The following CDH5 variants were observed in gnomAD, a reference collection of about 807,000 sequenced individuals.
CDH5 encodes the protein cadherin 5.
Under a neutral mutation model 62.0 loss-of-function variants are expected in CDH5, and 28 were observed. The observed-to-expected ratio is 0.45, with a 90% CI of 0.33 to 0.62. The LOEUF (loss-of-function observed/expected upper bound fraction) is 0.62. Among genes scored for constraint, CDH5 ranks in the 20% least tolerant of loss-of-function variants. The probability of loss-of-function intolerance (pLI) is 0.02; values close to 1 mark genes in which losing one functional copy is unlikely to be tolerated. For missense variants in CDH5, 940 were observed against 1,065.1 expected (o/e 0.88, Z 1.63); for synonymous variants, 464 against 445.8 (o/e 1.04, Z -0.52).
Position 66,379,299 on chromosome 16 carries a change from T to A in CDH5, c.-19-20T>A. ...TCATCGTCACTGGCCAGAGTCTGAA[T>A]GTGTCTCCTCTTTCCCCAGATCTGT... On this transcript the variant is annotated intron_variant, in intron 1 of 11. Coordinates refer to ENST00000341529, the MANE Select transcript of CDH5 (RefSeq NM_001795.5). The A allele has an allele frequency of 6.4e-7, 1 of 1,551,124 alleles. No homozygotes were observed. The highest frequency in any genetic ancestry group is 1.2e-5 in the South Asian group (1 of 86,450).
chr16:66,373,407 ATTTT>A (rs34814895), intron 1 of CDH5, among the ~76,000 whole-genome samples: 2 of 133,744 alleles, frequency 1.5e-5, no homozygotes, highest in African/African-American at 2.9e-5. Context: ...TGGTTAGCCA[ATTTT>A]TTTTTTTTTT....
At chr16:66,397,903 G>A (rs913150857) in intron 8 of CDH5, 79 bp from the exon 9 acceptor site, 2 of 1,580,542 alleles carry the variant, frequency 1.3e-6, no homozygotes, top group Non-Finnish European at 1.7e-6. Flanking sequence ...CCATAGGGCA[G>A]CCCTCCTTCC....
At chr16:66,371,184 G>A (rs1960680393) in intron 1 of CDH5, among the ~76,000 whole-genome samples, 1 of 152,192 alleles carries the variant, frequency 6.6e-6, no homozygotes, top group Non-Finnish European at 1.5e-5. Flanking sequence ...TTAAATGCCT[G>A]AGCTCAAGTA....
At chr16:66,369,987 T>G (rs547813621) in intron 1 of CDH5, among the ~76,000 whole-genome samples, 2 of 150,510 alleles carry the variant, frequency 1.3e-5, no homozygotes, top group South Asian at 4.2e-4. Context: ...CTTTTTTGTT[T>G]GTTTGTTTGT....
chr16:66,395,912 T>C, intron 7 of CDH5, 147 bp from the exon 8 acceptor site: 1 of 727,746 alleles, frequency 1.4e-6, no homozygotes, highest in Non-Finnish European at 2.3e-6. Context: ...TCCACTCTTG[T>C]CTGAGTGGCA....
In CDH5 at chr16:66,389,452, G is replaced by T; in HGVS notation, c.711G>T (p.Gly237=). ...VEARDAQGLR[G]DSGTATVLVT... is the part of the protein sequence containing the mutation. ...CGCGAGATGCCCAGGGCCTCCGGGG[G>T]GACTCGGGCACGGCCACCGTGCTGG... The change falls in exon 5 of 12, where the codon GGG becomes GGT. Residue 237 remains glycine (G), a synonymous_variant. Coordinates refer to ENST00000341529, the MANE Select transcript of CDH5 (RefSeq NM_001795.5). The T allele has an allele frequency of 6.2e-7, 1 of 1,613,166 alleles. No individual in the cohort carries two copies. Among genetic ancestry groups the T allele is most frequent in the Non-Finnish European group, 8.5e-7 (1 of 1,179,518 alleles).
Position 66,404,469 on chromosome 16 carries a change from G to A in CDH5, c.*1300G>A, listed in dbSNP as rs1196395014. On this transcript the variant is annotated 3_prime_UTR_variant, in exon 12 of 12. Transcript: ENST00000341529. ...GGGCAAAGCCCCTCACACTGCAAGG[G>A]ATTGTAGATAACACTGACTTGTTTG... 6.6e-6 allele frequency: 1 copy of A among 152,246 alleles called. No homozygotes were observed. Among genetic ancestry groups the A allele is most frequent in the Non-Finnish European group, 1.5e-5 (1 of 68,052 alleles). The allele number at this position is 152,246 out of a possible 1,614,324, so 9.4% of individuals were successfully genotyped here.
In CDH5 at chr16:66,402,920, C is replaced by T. The variant is rs752695792; in HGVS notation, c.2106C>T (p.Pro702=). The change falls in exon 12 of 12, where the codon CCC becomes CCT. Residue 702 remains proline (P), a synonymous_variant. Coordinates refer to ENST00000341529, the MANE Select transcript of CDH5 (RefSeq NM_001795.5). ...ACGCGCCTGGGGCACACGGAGGGCC[C>T]GGGGAGATGGCAGCCATGATCGAGG... The part of the protein sequence containing the change: ...PRHAPGAHGG[P]GEMAAMIEVK... 6.2e-7 allele frequency: 1 copy of T among 1,611,632 alleles called. No individual in the cohort carries two copies. The highest frequency in any genetic ancestry group is 8.5e-7 in the Non-Finnish European group (1 of 1,179,770).
At chr16:66,383,975 G>A (rs1960939163) in intron 2 of CDH5, among the ~76,000 whole-genome samples, 1 of 151,922 alleles carries the variant, frequency 6.6e-6, no homozygotes, top group Admixed American at 6.6e-5. Context: ...GCTAAACCCT[G>A]GGGACACTTT....
In CDH5 at chr16:66,389,376, C is replaced by G. The variant is rs200122262; in HGVS notation, c.635C>G (p.Thr212Arg). ...IDNSGRIITI[T>R]KSLDREKQAR... ...TTTGCAGGACGTATTATCACAATAA[C>G]GAAAAGCTTGGACCGAGAGAAGCAG... Residue 212 changes from threonine (T) to arginine (R), a missense_variant, in exon 5 of 12, where the codon ACG (threonine) becomes AGG (arginine). Transcript: ENST00000341529. 3 of 1,611,494 alleles carry G rather than the reference C, an allele frequency of 1.9e-6. No individual in the cohort carries two copies.
At position 66,376,881 on chromosome 16, in the gene CDH5, G is replaced by A. The variant is rs141262870; in HGVS notation, c.-19-2438G>A. 6.6e-5 allele frequency among the ~76,000 whole-genome samples: 10 copies of A among 152,164 alleles called. No homozygotes were observed. In the South Asian group the frequency reaches 1.5e-3, roughly 22 times the overall value. On this transcript the variant is annotated intron_variant, in intron 1 of 11. Transcript: ENST00000341529. ...CAAGGGAGTGTGTCTTACTTACTGC[G>A]GCACCCCCATTGCCTAGCATGGAGC...
intron 1 of CDH5, among the ~76,000 whole-genome samples, chr16:66,378,849 G>A (rs531172559): frequency 6.6e-6 from 1 of 152,370 alleles, no homozygotes; most frequent in Non-Finnish European, 1.5e-5. Flanking sequence ...TCAGCAGACA[G>A]TGAAGGATGA....
intron 7 of CDH5, among the ~76,000 whole-genome samples, chr16:66,395,113 C>CCTGGCCT (rs1961156861): frequency 7.9e-6 from 1 of 125,954 alleles, no homozygotes; most frequent in Non-Finnish European, 1.6e-5. Context: ...GTCTTGAACT[C>CCTGGCCT]CTGGCCTCAA....
intron 1 of CDH5, among the ~76,000 whole-genome samples, chr16:66,374,512 C>A (rs751205769): frequency 6.6e-6 from 1 of 152,190 alleles, no homozygotes; most frequent in African/African-American, 2.4e-5. Flanking sequence ...AGCAGCAGGG[C>A]CCCTGCTGGA....
rs1421592214 is a variant in CDH5, at chr16:66,379,480, A to G, written c.143A>G (p.Asp48Gly). 1 of 1,614,178 alleles carries G rather than the reference A, an allele frequency of 6.2e-7. No individual in the cohort carries two copies. The highest frequency in any genetic ancestry group is 1.1e-5 in the South Asian group (1 of 91,078). The change falls in exon 2 of 12, where the codon GAT (aspartate) becomes GGT (glycine). Residue 48 changes from aspartate to glycine, a missense_variant. Asp to Gly is a moderately conservative substitution (Grantham distance 94, BLOSUM62 -1). Coordinates refer to ENST00000341529, the MANE Select transcript of CDH5 (RefSeq NM_001795.5). ...LLPTHRRQKR[D>G]WIWNQMHIDE... ...CCCACCCACCGGCGCCAAAAGAGAG[A>G]TTGGATTTGGAACCAGATGCACATT... is the stretch of plus-strand genomic sequence containing the variant.
chr16:66,368,463 C>G (rs1424166840), intron 1 of CDH5, among the ~76,000 whole-genome samples: 1 of 152,154 alleles, frequency 6.6e-6, no homozygotes, highest in Non-Finnish European at 1.5e-5. Flanking sequence ...CAAACAAGGG[C>G]CGGACATGAG....
rs755483658 is a variant in CDH5 at position 66,402,758 on chromosome 16, G to GGGC, written c.1952_1954dup (p.Gly651dup). 1.2e-6 allele frequency: 2 copies of GGGC among 1,608,534 alleles called. No individual in the cohort carries two copies. The highest frequency in any genetic ancestry group is 1.7e-6 in the Non-Finnish European group (2 of 1,178,408). ...AGCAGCTGGTCACCTACGACGAGGA[G>GGGC]GGCGGCGGCGAGATGGACACCACCA... On this transcript the variant is annotated inframe_insertion, in exon 12 of 12. Coordinates refer to ENST00000341529, the MANE Select transcript of CDH5 (RefSeq NM_001795.5).
At chr16:66,392,485 T>C in intron 7 of CDH5, 102 bp downstream of exon 7, 2 of 1,453,534 alleles carry the variant, frequency 1.4e-6, no homozygotes, top group Non-Finnish European at 1.9e-6. Context: ...AACTGGCTTC[T>C]CCTAGCACTT....
chr16:66,392,604 A>C, intron 7 of CDH5: 1 of 579,810 alleles, frequency 1.7e-6, no homozygotes, highest in East Asian at 3.0e-5. Flanking sequence ...GGGCATCCAG[A>C]GCTACTTGTC....
Sources: allele counts gnomAD v4.1 joint callset (sites outside exome capture counted in the v4.1 genomes callset), GRCh38; gene constraint gnomAD v4.1.1; transcripts MANE v1.5; gene names NCBI Gene and HGNC (gene_info 2026-07-23, HGNC 2026-07-21).